The following TNFAIP8 variants were observed in gnomAD, a reference collection of about 807,000 sequenced individuals.
TNFAIP8 encodes TNF alpha induced protein 8.
A neutral mutation model predicts 13.3 loss-of-function variants in TNFAIP8; 7 were observed. That is an observed-to-expected ratio of 0.52 (90% CI 0.30 to 0.99). The LOEUF is 0.99. Ranked by LOEUF, TNFAIP8 falls within the 50% of genes least tolerant of loss-of-function variation. The pLI is 0.07. For synonymous variants in TNFAIP8, 94 were observed against 87.6 expected (o/e 1.07, Z -0.41); for missense variants, 258 against 236.9 (o/e 1.09, Z -0.58).
At chr5:119,281,215 G>A (rs1242943910) in intron 1 of TNFAIP8, among the ~76,000 whole-genome samples, 1 of 151,234 alleles carries the variant, frequency 6.6e-6, no homozygotes, top group African/African-American at 2.4e-5. Flanking sequence ...CCAGACGCTG[G>A]GAATCCTCAT....
intron 1 of TNFAIP8, among the ~76,000 whole-genome samples, chr5:119,290,417 A>G (rs1262318319): frequency 6.6e-6 from 1 of 152,190 alleles, no homozygotes; most frequent in African/African-American, 2.4e-5. Flanking sequence ...TAGTCGCTCT[A>G]GGCAGGAAAT....
At chr5:119,373,729 A>G (rs1313807248) in intron 1 of TNFAIP8, among the ~76,000 whole-genome samples, 1 of 152,164 alleles carries the variant, frequency 6.6e-6, no homozygotes, top group Non-Finnish European at 1.5e-5. Context: ...ACAGTGACTG[A>G]TTTTAGGAGG....
chr5:119,292,871 T>C (rs1749042065), intron 1 of TNFAIP8, among the ~76,000 whole-genome samples: 3 of 151,630 alleles, frequency 2.0e-5, no homozygotes, highest in Non-Finnish European at 4.4e-5. Context: ...AGCAAGTGAT[T>C]AGTGGCTGCC....
At chr5:119,294,774 C>A (rs576994632) in intron 1 of TNFAIP8, among the ~76,000 whole-genome samples, 1 of 152,052 alleles carries the variant, frequency 6.6e-6, no homozygotes, top group African/African-American at 2.4e-5. Flanking sequence ...TTTTGATTTG[C>A]GTTTCTCTGA....
chr5:119,288,163 C>A lies in TNFAIP8; in HGVS notation c.1+19256C>A, dbSNP rs1196915533. On this transcript the variant is annotated intron_variant, in intron 1 of 1. Transcript: ENST00000274456. Reference sequence around the variant, plus strand: ...TTCTCATATTCCTTTCCATCCTCATCTGTGGTTATATATAGCTGTGACCAT... The same window carrying A: ...TTCTCATATTCCTTTCCATCCTCATATGTGGTTATATATAGCTGTGACCAT... Among the ~76,000 whole-genome samples the A allele has an allele frequency of 2.0e-5, 3 of 152,352 alleles. No individual in the cohort carries two copies. In the East Asian group the frequency reaches 5.8e-4, roughly 29 times the overall value.
intron 1 of TNFAIP8, among the ~76,000 whole-genome samples, chr5:119,310,823 CCAATCAATCAAT>C (rs60315927): frequency 6.6e-6 from 1 of 151,798 alleles, no homozygotes; most frequent in African/African-American, 2.4e-5. Flanking sequence ...CGAGACTCCA[CCAATCAATCAAT>C]CAATCAATCA....
At chr5:119,362,239 G>A (rs1289398511) in intron 1 of TNFAIP8, among the ~76,000 whole-genome samples, 1 of 152,168 alleles carries the variant, frequency 6.6e-6, no homozygotes, top group Non-Finnish European at 1.5e-5. Context: ...GAGTGACAGG[G>A]AACCTACTTA....
At chr5:119,280,902 T>C (rs1280179476) in intron 1 of TNFAIP8, among the ~76,000 whole-genome samples, 1 of 149,260 alleles carries the variant, frequency 6.7e-6, no homozygotes, top group East Asian at 1.9e-4. Flanking sequence ...AGATCACTGA[T>C]TAGGGTTTTT....
intron 1 of TNFAIP8, among the ~76,000 whole-genome samples, chr5:119,338,137 C>G (rs1750614751): frequency 1.3e-5 from 2 of 148,516 alleles, no homozygotes; most frequent in African/African-American, 4.9e-5. Flanking sequence ...TTCCTGGCTC[C>G]TTATTCCAGA....
intron 1 of TNFAIP8, among the ~76,000 whole-genome samples, chr5:119,363,883 C>T (rs914547464): frequency 2.0e-5 from 3 of 152,194 alleles, no homozygotes; most frequent in South Asian, 2.1e-4. Context: ...TGGGGATTTG[C>T]ATGACAGCCC....
intron 1 of TNFAIP8, among the ~76,000 whole-genome samples, chr5:119,274,449 A>G (rs1044553976): frequency 1.3e-5 from 2 of 152,224 alleles, no homozygotes; most frequent in Non-Finnish European, 2.9e-5. Flanking sequence ...TCACTTAGTG[A>G]TGGAATTCCT....
At chr5:119,377,466 A>C (rs1481002953) in intron 1 of TNFAIP8, among the ~76,000 whole-genome samples, 1 of 152,112 alleles carries the variant, frequency 6.6e-6, no homozygotes, top group African/African-American at 2.4e-5. Flanking sequence ...AATGGGGGAA[A>C]GTTTTTCTGC....
intron 1 of TNFAIP8, among the ~76,000 whole-genome samples, chr5:119,391,684 G>A (rs946960709): frequency 2.0e-4 from 31 of 151,788 alleles, no homozygotes; most frequent in African/African-American, 6.0e-4. Flanking sequence ...ACTTGAACCC[G>A]GGAGGTGGAG....
chr5:119,349,843 G>A (rs957119077), intron 1 of TNFAIP8, among the ~76,000 whole-genome samples: 1 of 152,224 alleles, frequency 6.6e-6, no homozygotes, highest in African/African-American at 2.4e-5. Context: ...ACTCTATGGG[G>A]ACCTCCCAAT....
At chr5:119,384,153 A>G (rs1262043212) in intron 1 of TNFAIP8, among the ~76,000 whole-genome samples, 1 of 152,196 alleles carries the variant, frequency 6.6e-6, no homozygotes, top group Non-Finnish European at 1.5e-5. Flanking sequence ...AAATGAGTAT[A>G]ATAATAACCT....
chr5:119,321,102 A>G (rs1750040729), intron 1 of TNFAIP8, among the ~76,000 whole-genome samples: 1 of 152,162 alleles, frequency 6.6e-6, no homozygotes, highest in Admixed American at 6.5e-5. Context: ...CTGTAGTCCC[A>G]GCTACTCAGG....
intron 1 of TNFAIP8, among the ~76,000 whole-genome samples, chr5:119,273,927 G>A (rs1201065705): frequency 2.6e-5 from 4 of 152,140 alleles, no homozygotes; most frequent in Admixed American, 2.0e-4. Context: ...CCCTCTCTAA[G>A]CCTGGCTCTT....
chr5:119,316,542 A>C (rs1749901559), intron 1 of TNFAIP8, among the ~76,000 whole-genome samples: 2 of 152,136 alleles, frequency 1.3e-5, no homozygotes, highest in Admixed American at 6.6e-5. Flanking sequence ...GATACAATGC[A>C]TTTTTGAGTT....
rs760411484 is a variant in TNFAIP8 at position 119,278,376 on chromosome 5, A to AGAGAGTGT, written c.1+9470_1+9471insAGAGTGTG. On this transcript the variant is annotated intron_variant, in intron 1 of 1. Transcript: ENST00000274456. ...GGGAGAGAGAGAGAGAGAGAGAGAG[A>AGAGAGTGT]GTGTGTGTGTGTGTGTGTGTGTGTG... Among the ~76,000 whole-genome samples, 123 of 108,184 alleles carry AGAGAGTGT rather than the reference A, an allele frequency of 1.1e-3. 1 individual carries two copies. Among genetic ancestry groups the AGAGAGTGT allele is most frequent in the Admixed American group, 1.1e-3 (12 of 10,510 alleles). 71.0% of individuals were successfully genotyped at this position (108,184 alleles called of 152,430 possible). A position where few individuals can be genotyped will look rare whatever the true frequency, so the allele number is the denominator to read the frequency against.
Sources: allele counts gnomAD v4.1 joint callset (sites outside exome capture counted in the v4.1 genomes callset), GRCh38; gene constraint gnomAD v4.1.1; transcripts MANE v1.5; gene names NCBI Gene and HGNC (gene_info 2026-07-23, HGNC 2026-07-21).